The following USP13 variants were observed in gnomAD, a reference collection of about 807,000 sequenced individuals.
USP13 encodes ubiquitin carboxyl-terminal hydrolase 13.
USP13 carries 68 observed loss-of-function variants against 107.8 expected under a neutral mutation model. The observed-to-expected ratio is 0.63, with a 90% CI of 0.52 to 0.77. The LOEUF (loss-of-function observed/expected upper bound fraction) is 0.77. Ranked by LOEUF, USP13 falls within the 30% of genes least tolerant of loss-of-function variation. The probability of loss-of-function intolerance (pLI) is 0.00; values close to 1 mark genes in which losing one functional copy is unlikely to be tolerated. For missense variants in USP13, 945 were observed against 1,093.3 expected, an observed-to-expected ratio of 0.86 and a Z score of 1.91; for synonymous variants, 377 against 389.5, an observed-to-expected ratio of 0.97 and a Z score of 0.38.
intron 2 of USP13, 113 bp downstream of exon 2, chr3:179,682,116 G>A (rs1023253599): frequency 9.6e-5 from 132 of 1,377,566 alleles, no homozygotes; most frequent in South Asian, 4.1e-4. Flanking sequence ...GATTCCCTTT[G>A]ACGATGAGAA....
At chr3:179,782,357 AAC>A (rs1330407474) in intron 20 of USP13, among the ~76,000 whole-genome samples, 1 of 152,216 alleles carries the variant, frequency 6.6e-6, no homozygotes, top group Admixed American at 6.5e-5. Flanking sequence ...GGCAGCTCTA[AAC>A]CTTCAGTGCT....
intron 1 of USP13, among the ~76,000 whole-genome samples, chr3:179,681,099 C>T (rs916661694): frequency 6.6e-6 from 1 of 152,132 alleles, no homozygotes; most frequent in African/African-American, 2.4e-5. Context: ...TCACTGTGAA[C>T]GTAGCCAGCA....
At chr3:179,657,762 C>CAAAAAAAAAAAAA (rs35377039) in intron 1 of USP13, among the ~76,000 whole-genome samples, 22 of 73,784 alleles carry the variant, frequency 3.0e-4, no homozygotes, top group East Asian at 9.0e-4. Flanking sequence ...AATTCCGTCT[C>CAAAAAAAAAAAAA]AAAAAAAAAA....
rs6443665 is a variant in USP13, at chr3:179,678,799, C to T, written c.169-3079C>T. ...AAGTGTTTGTTGCTAATGTCTGAAA[C>T]TGCAGTTGACTCTGGTCTATTAACT... On this transcript the variant is annotated intron_variant, in intron 1 of 20. Transcript: ENST00000263966. The surrounding 1 kb of genome is among the most constrained non-coding windows in gnomAD (Gnocchi z 4.2). 0.6 allele frequency among the ~76,000 whole-genome samples: 90,983 copies of T among 151,946 alleles called. 27,364 individuals carry two copies. The highest frequency in any genetic ancestry group is 0.63 in the Non-Finnish European group (43,099 of 67,962).
intron 1 of USP13, among the ~76,000 whole-genome samples, chr3:179,676,961 C>A (rs753036864): frequency 6.6e-6 from 1 of 151,982 alleles, no homozygotes; most frequent in Admixed American, 6.5e-5. Flanking sequence ...TGGGTTCAAG[C>A]GATTCTCCTG....
rs1576926106 is a variant in USP13, at chr3:179,688,087, A to ATCCATCCATCCG, written c.295-2142_295-2131dup. Among the ~76,000 whole-genome samples the ATCCATCCATCCG allele has an allele frequency of 7.8e-5, 9 of 114,930 alleles. No individual in the cohort carries two copies. In the East Asian group the frequency reaches 2.4e-3, roughly 31 times the overall value. 75.4% of individuals were successfully genotyped at this position (114,930 alleles called of 152,430 possible). A position where few individuals can be genotyped will look rare whatever the true frequency, so the allele number is the denominator to read the frequency against. ...CTCCCTGTAATCAGGATATCCATCC[A>ATCCATCCATCCG]TCCATCCATCCGTCCATCCATCCAT... is the stretch of plus-strand genomic sequence containing the variant. On this transcript the variant is annotated intron_variant, in intron 2 of 20. Coordinates refer to ENST00000263966, the MANE Select transcript of USP13 (RefSeq NM_003940.3).
At chr3:179,664,359 G>T (rs1183761399) in intron 1 of USP13, among the ~76,000 whole-genome samples, 1 of 152,116 alleles carries the variant, frequency 6.6e-6, no homozygotes, top group Non-Finnish European at 1.5e-5. Flanking sequence ...TTCCCAAAGT[G>T]CTGGGATTAC....
intron 19 of USP13, among the ~76,000 whole-genome samples, chr3:179,772,622 T>C (rs1264991094): frequency 6.6e-6 from 1 of 152,366 alleles, no homozygotes; most frequent in East Asian, 1.9e-4. Context: ...TTCATGCCAC[T>C]GGTGCTAATT....
At chr3:179,688,325 G>C (rs1711969122) in intron 2 of USP13, among the ~76,000 whole-genome samples, 1 of 152,072 alleles carries the variant, frequency 6.6e-6, no homozygotes. Context: ...CAAATGAACT[G>C]CTCATTTCCT....
chr3:179,768,851 G>A (rs541087849), intron 19 of USP13, among the ~76,000 whole-genome samples: 84 of 152,240 alleles, frequency 5.5e-4, no homozygotes, highest in African/African-American at 2.0e-3. Context: ...ATGACTTCCT[G>A]TACTTTACTA....
chr3:179,745,450 T>C (rs1714370003), intron 13 of USP13, among the ~76,000 whole-genome samples: 1 of 152,118 alleles, frequency 6.6e-6, no homozygotes, highest in South Asian at 2.1e-4. Context: ...TTTTCTTTTT[T>C]CTTTTTTTAA....
At position 179,784,522 on chromosome 3, in the gene USP13, G is replaced by A. The variant is rs544622821; in HGVS notation, c.*381G>A. 68 of 166,870 alleles carry A rather than the reference G, an allele frequency of 4.1e-4. 2 individuals are homozygous for A. Among genetic ancestry groups the A allele is most frequent in the African/African-American group, 1.5e-3 (64 of 41,868 alleles). 10.3% of individuals were successfully genotyped at this position (166,870 alleles called of 1,614,324 possible). A position where few individuals can be genotyped will look rare whatever the true frequency, so the allele number is the denominator to read the frequency against. On this transcript the variant is annotated 3_prime_UTR_variant, in exon 21 of 21. Transcript: ENST00000263966. ...CTGGAGAAACCAAATAATGTGGCCA[G>A]TGGTGTGGCCTTACCCACAACAAAT... is the stretch of plus-strand genomic sequence containing the variant.
At chr3:179,688,877 T>A (rs1204344718) in intron 2 of USP13, among the ~76,000 whole-genome samples, 1 of 152,228 alleles carries the variant, frequency 6.6e-6, no homozygotes, top group African/African-American at 2.4e-5. Flanking sequence ...TCTGAGATAA[T>A]AGAGGAGCGA....
At chr3:179,669,426 T>C (rs9848970) in intron 1 of USP13, among the ~76,000 whole-genome samples, 39,804 of 151,178 alleles carry the variant, frequency 0.26, 6,126 homozygotes, top group Non-Finnish European at 0.35. Flanking sequence ...GCCACTGGAC[T>C]CCAGCCTGGG....
chr3:179,741,367 C>T (rs898944723), intron 11 of USP13, among the ~76,000 whole-genome samples: 2 of 152,168 alleles, frequency 1.3e-5, no homozygotes, highest in Non-Finnish European at 2.9e-5. Flanking sequence ...GCAGTGGTTT[C>T]TCTTGTCTGC....
At chr3:179,710,722 T>C (rs532407310) in intron 6 of USP13, among the ~76,000 whole-genome samples, 1 of 152,322 alleles carries the variant, frequency 6.6e-6, no homozygotes, top group Admixed American at 6.5e-5. Context: ...AGAGTATACT[T>C]GGACAAACTT....
chr3:179,752,352 G>A lies in USP13; in HGVS notation c.1777G>A (p.Asp593Asn). Residue 593 changes from aspartate (D) to asparagine (N), a missense_variant, in exon 14 of 21, where the codon GAC becomes AAC. Coordinates refer to ENST00000263966, the MANE Select transcript of USP13 (RefSeq NM_003940.3). ...GATAAAGAAGTTCACTTTTGGTCTT[G>A]ACTGGGTTCCCAAAAAATTTGGTAG... ...VQIKKFTFGL[D>N]WVPKKFDVSI... The A allele has an allele frequency of 6.2e-7, 1 of 1,614,046 alleles. No homozygotes were observed. The highest frequency in any genetic ancestry group is 8.5e-7 in the Non-Finnish European group (1 of 1,179,984).
At chr3:179,664,646 C>T (rs1288971683) in intron 1 of USP13, among the ~76,000 whole-genome samples, 1 of 152,114 alleles carries the variant, frequency 6.6e-6, no homozygotes, top group African/African-American at 2.4e-5. Flanking sequence ...TGTTCCCAGG[C>T]ACAGGGAAGA....
At position 179,683,624 on chromosome 3, in the gene USP13, A is replaced by C. The variant is rs142388999; in HGVS notation, c.294+1621A>C. Among the ~76,000 whole-genome samples the C allele has an allele frequency of 3.7e-3, 562 of 152,328 alleles. 5 individuals are homozygous for C. Among genetic ancestry groups the C allele is most frequent in the African/African-American group, 0.013 (537 of 41,564 alleles). On this transcript the variant is annotated intron_variant, in intron 2 of 20. Coordinates refer to ENST00000263966, the MANE Select transcript of USP13 (RefSeq NM_003940.3). ...GATCTCATGAGACTCGTTCACTATCATGAGAACAGTGCAGGAAAGACCCGC... is the reference window on the plus strand; with the variant it reads ...GATCTCATGAGACTCGTTCACTATCCTGAGAACAGTGCAGGAAAGACCCGC...
Sources: allele counts gnomAD v4.1 joint callset (sites outside exome capture counted in the v4.1 genomes callset), GRCh38; gene constraint gnomAD v4.1.1; non-coding constraint Gnocchi (gnomAD v3.1); transcripts MANE v1.5; gene names NCBI Gene and HGNC (gene_info 2026-07-23, HGNC 2026-07-21).